Variants in RABGAP1L observed in about 807,000 individuals in gnomAD.
The protein encoded by RABGAP1L is RAB GTPase activating protein 1 like.
Under a neutral mutation model 137.7 loss-of-function variants are expected in RABGAP1L, and 63 were observed. The ratio of observed to expected loss-of-function variants is 0.46; its 90% CI spans 0.37 to 0.56. The LOEUF (loss-of-function observed/expected upper bound fraction) is 0.56. Ranked by LOEUF, RABGAP1L falls within the 20% of genes least tolerant of loss-of-function variation. RABGAP1L has a pLI of 0.00. For missense variants in RABGAP1L, 1,095 were observed against 1,244.0 expected (o/e 0.88, Z 1.80); for synonymous variants, 431 against 433.7 (o/e 0.99, Z 0.08).
chr1:174,834,603 G>GCCCCC (rs966673573), intron 19 of RABGAP1L, among the ~76,000 whole-genome samples: 3 of 113,016 alleles, frequency 2.7e-5, no homozygotes, highest in Admixed American at 9.1e-5. Context: ...GCCCATCCCC[G>GCCCCC]CCCCCCCCGC....
chr1:174,943,646 C>T (rs574617156), intron 19 of RABGAP1L, among the ~76,000 whole-genome samples: 1 of 152,108 alleles, frequency 6.6e-6, no homozygotes, highest in South Asian at 2.1e-4. Flanking sequence ...CCAGCCTGGC[C>T]AACATGGTGA....
intron 19 of RABGAP1L, among the ~76,000 whole-genome samples, chr1:174,916,447 G>A (rs142844740): frequency 6.6e-6 from 1 of 152,228 alleles, no homozygotes; most frequent in East Asian, 1.9e-4. Flanking sequence ...ATATTCATAA[G>A]CCAGATAAAT....
At chr1:174,538,602 G>C (rs964674048) in intron 13 of RABGAP1L, among the ~76,000 whole-genome samples, 1 of 151,782 alleles carries the variant, frequency 6.6e-6, no homozygotes, top group African/African-American at 2.4e-5. Context: ...CTATGACTTA[G>C]TTTTTTTTAA....
chr1:174,589,647 A>G (rs1669399684), intron 13 of RABGAP1L, among the ~76,000 whole-genome samples: 1 of 152,132 alleles, frequency 6.6e-6, no homozygotes, highest in Non-Finnish European at 1.5e-5. Context: ...ATGTCGAGAG[A>G]AAGGGGTCTA....
intron 19 of RABGAP1L, among the ~76,000 whole-genome samples, chr1:174,951,595 T>C (rs1420453131): frequency 6.6e-6 from 1 of 152,202 alleles, no homozygotes; most frequent in East Asian, 1.9e-4. Context: ...CTTGTCTTTA[T>C]TGATAGTTTA....
intron 11 of RABGAP1L, among the ~76,000 whole-genome samples, chr1:174,315,501 T>C (rs1018452185): frequency 2.0e-5 from 3 of 152,206 alleles, no homozygotes; most frequent in Non-Finnish European, 4.4e-5. Context: ...TTCATTGTTA[T>C]CATTTCTAAG....
chr1:174,555,990 T>G (rs941308905), intron 13 of RABGAP1L, among the ~76,000 whole-genome samples: 2 of 147,986 alleles, frequency 1.4e-5, no homozygotes, highest in Non-Finnish European at 3.0e-5. Flanking sequence ...TGAGTTCGTT[T>G]GCCTTTTTTT....
intron 1 of RABGAP1L, among the ~76,000 whole-genome samples, chr1:174,195,602 TTTC>T (rs1667525070): frequency 1.3e-5 from 1 of 74,548 alleles, no homozygotes; most frequent in Non-Finnish European, 2.6e-5. Context: ...TCTTTCTTTC[TTTC>T]TTTCTTTCTT....
At chr1:174,766,337 C>A (rs1685670089) in intron 18 of RABGAP1L, among the ~76,000 whole-genome samples, 1 of 152,302 alleles carries the variant, frequency 6.6e-6, no homozygotes, top group Non-Finnish European at 1.5e-5. Context: ...CTACTTGTCC[C>A]CATACCATTT....
intron 6 of RABGAP1L, among the ~76,000 whole-genome samples, chr1:174,252,197 G>A (rs1206525216): frequency 6.6e-6 from 1 of 152,140 alleles, no homozygotes; most frequent in Non-Finnish European, 1.5e-5. Flanking sequence ...GCTTGGCCAT[G>A]TTGTCTTTTT....
chr1:174,624,161 G>A (rs556732621), intron 13 of RABGAP1L, among the ~76,000 whole-genome samples: 1 of 152,248 alleles, frequency 6.6e-6, no homozygotes, highest in Admixed American at 6.5e-5. Context: ...GTGCTTTCCT[G>A]CTTTGGAGGG....
At chr1:174,534,913 G>T (rs1664783560) in intron 13 of RABGAP1L, among the ~76,000 whole-genome samples, 2 of 151,558 alleles carry the variant, frequency 1.3e-5, no homozygotes, top group South Asian at 4.2e-4. Flanking sequence ...TGTAATAGTT[G>T]ATCTGATGAC....
At chr1:174,441,150 G>C (rs1414311538) in intron 13 of RABGAP1L, among the ~76,000 whole-genome samples, 3 of 151,512 alleles carry the variant, frequency 2.0e-5, no homozygotes, top group African/African-American at 4.8e-5. Context: ...AGTTTGGGCT[G>C]TTTCAAGTAA....
At chr1:174,777,082 C>G (rs1183853357) in intron 18 of RABGAP1L, among the ~76,000 whole-genome samples, 1 of 152,194 alleles carries the variant, frequency 6.6e-6, no homozygotes, top group African/African-American at 2.4e-5. Flanking sequence ...TCACCTTGAT[C>G]TTTACTCAGC....
At chr1:174,490,161 G>C (rs1432280723) in intron 13 of RABGAP1L, among the ~76,000 whole-genome samples, 1 of 152,014 alleles carries the variant, frequency 6.6e-6, no homozygotes, top group Admixed American at 6.6e-5. Flanking sequence ...TTTGGTGTCT[G>C]GACATTGAAG....
intron 14 of RABGAP1L, among the ~76,000 whole-genome samples, chr1:174,653,939 A>G (rs333454): frequency 0.37 from 55,987 of 151,936 alleles, 13,538 homozygotes; most frequent in African/African-American, 0.69. Flanking sequence ...GCCTGTCACC[A>G]AGACAGGATT....
intron 5 of RABGAP1L, among the ~76,000 whole-genome samples, chr1:174,247,649 C>T (rs1468344113): frequency 6.6e-6 from 1 of 152,216 alleles, no homozygotes; most frequent in Admixed American, 6.5e-5. Flanking sequence ...CCACACATAT[C>T]CTTGCGTGTG....
At chr1:174,195,667 C>CCTT (rs1279446327) in intron 1 of RABGAP1L, among the ~76,000 whole-genome samples, 95 of 94,242 alleles carry the variant, frequency 1.0e-3, no homozygotes, top group Middle Eastern at 5.2e-3. Flanking sequence ...CCTTTCCTTT[C>CCTT]CTTTCCTTCT....
chr1:174,486,720 A>T (rs1659702277), intron 13 of RABGAP1L, among the ~76,000 whole-genome samples: 2 of 152,068 alleles, frequency 1.3e-5, no homozygotes, highest in African/African-American at 4.8e-5. Context: ...GTTCTTTAAG[A>T]TACAGTGTTA....
Sources: allele counts gnomAD v4.1 joint callset (sites outside exome capture counted in the v4.1 genomes callset), GRCh38; gene constraint gnomAD v4.1.1; transcripts MANE v1.5; gene names NCBI Gene and HGNC (gene_info 2026-07-23, HGNC 2026-07-21).